The following DISC1 variants were observed in gnomAD, a reference collection of about 807,000 sequenced individuals.
DISC1 encodes DISC1 scaffold protein.
Under a neutral mutation model 84.5 loss-of-function variants are expected in DISC1, and 57 were observed. The ratio of observed to expected loss-of-function variants is 0.67; its 90% CI spans 0.55 to 0.84. The LOEUF is 0.84. DISC1 is among the 40% of genes least tolerant of loss of function. The pLI is 0.00. For synonymous variants in DISC1, 411 were observed against 415.2 expected (o/e 0.99, Z 0.12); for missense variants, 1,000 against 1,057.8 (o/e 0.95, Z 0.76).
intron 9 of DISC1, among the ~76,000 whole-genome samples, chr1:231,903,090 C>A (rs1195487060): frequency 2.7e-5 from 4 of 145,958 alleles, no homozygotes; most frequent in Non-Finnish European, 4.5e-5. Context: ...TTGACAGAGT[C>A]ATACTCTCTT....
intron 1 of DISC1, among the ~76,000 whole-genome samples, chr1:231,679,913 T>C (rs1223074816): frequency 6.6e-6 from 1 of 152,210 alleles, no homozygotes; most frequent in African/African-American, 2.4e-5. Flanking sequence ...ATTGAGCTTT[T>C]TGTATGTAGT....
intron 8 of DISC1, among the ~76,000 whole-genome samples, chr1:231,810,366 A>G (rs1446505313): frequency 1.3e-5 from 2 of 152,224 alleles, no homozygotes; most frequent in Non-Finnish European, 2.9e-5. Context: ...GCATCAACTC[A>G]ATCGCTTTCT....
intron 1 of DISC1, among the ~76,000 whole-genome samples, chr1:231,677,573 C>T (rs778253330): frequency 1.6e-4 from 24 of 152,246 alleles, no homozygotes; most frequent in Non-Finnish European, 2.8e-4. Context: ...ATCCTTACGA[C>T]AGCCTTTCAG....
chr1:231,694,114 G>C lies in DISC1; in HGVS notation c.356G>C (p.Gly119Ala), dbSNP rs2065367784. 1 of 1,614,052 alleles carries C rather than the reference G, an allele frequency of 6.2e-7. No homozygotes were observed. Among genetic ancestry groups the C allele is most frequent in the Admixed American group, 1.7e-5 (1 of 60,016 alleles). ...TSVRGTSAHFGIQLRGGTRLP... is the reference protein window; with the variant it reads ...TSVRGTSAHFAIQLRGGTRLP... ...GTGAGAGGAACCTCGGCGCACTTTGGGATTCAGCTCAGAGGTGGCACCAGA... is the reference window on the plus strand; with the variant it reads ...GTGAGAGGAACCTCGGCGCACTTTGCGATTCAGCTCAGAGGTGGCACCAGA... Residue 119 changes from glycine (G) to alanine (A), a missense_variant, in exon 2 of 13, where the codon GGG becomes GCG. Physicochemically the swap from Gly to Ala is moderately conservative, Grantham distance 60. Around this residue, in one of 3 missense-constraint regions of DISC1, gnomAD observed 292 missense variants for 280.2 expected, o/e 1.04. Transcript: ENST00000439617.
At chr1:231,914,379 T>C (rs142349801) in intron 9 of DISC1, among the ~76,000 whole-genome samples, 64 of 152,324 alleles carry the variant, frequency 4.2e-4, no homozygotes, top group Non-Finnish European at 8.4e-4. Context: ...TTTAATTTTA[T>C]CTAAGTACAC....
rs200339981 is a variant in DISC1 at position 231,818,316 on chromosome 1, C to T, written c.1793-13C>T. 20 of 1,613,424 alleles carry T rather than the reference C, an allele frequency of 1.2e-5. No homozygotes were observed. The highest frequency in any genetic ancestry group is 1.6e-5 in the Non-Finnish European group (19 of 1,179,658). ...GCTTGTTTTCCCTTCTTCTCTCCCA[C>T]AACGTGCTGTAGGAAACCATTTCTG... On this transcript the variant is annotated splice_polypyrimidine_tract_variant and intron_variant, in intron 8 of 12. Transcript: ENST00000439617.
At chr1:231,889,287 A>G (rs1299753243) in intron 9 of DISC1, among the ~76,000 whole-genome samples, 1 of 152,182 alleles carries the variant, frequency 6.6e-6, no homozygotes. Context: ...TTTGTCCATA[A>G]GGCGGGGTAC....
At chr1:231,958,027 T>G (rs1044810230) in intron 9 of DISC1, among the ~76,000 whole-genome samples, 7 of 152,144 alleles carry the variant, frequency 4.6e-5, no homozygotes, top group African/African-American at 1.7e-4. Flanking sequence ...ATACTAGTAA[T>G]AGACATGGCA....
chr1:231,646,583 G>A (rs748979239), intron 1 of DISC1, among the ~76,000 whole-genome samples: 1 of 152,142 alleles, frequency 6.6e-6, no homozygotes, highest in Non-Finnish European at 1.5e-5. Context: ...GGTCAAATGG[G>A]ATCACTGGGC....
intron 9 of DISC1, among the ~76,000 whole-genome samples, chr1:231,869,697 A>G (rs762022636): frequency 6.6e-6 from 1 of 152,048 alleles, no homozygotes; most frequent in Non-Finnish European, 1.5e-5. Context: ...TAATCTGTTC[A>G]AGGGTGACCT....
intron 12 of DISC1, among the ~76,000 whole-genome samples, chr1:232,028,270 TC>T: frequency 6.6e-6 from 1 of 152,214 alleles, no homozygotes; most frequent in African/African-American, 2.4e-5. Context: ...GGGTTCCCGT[TC>T]CCCAGCTCAG....
intron 9 of DISC1, among the ~76,000 whole-genome samples, chr1:231,895,344 T>A (rs1403349536): frequency 1.3e-5 from 2 of 151,750 alleles, no homozygotes; most frequent in East Asian, 3.9e-4. Context: ...ATATTTTATA[T>A]GTATACTGTC....
intron 2 of DISC1, 48 bp from the exon 3 acceptor site, chr1:231,701,907 T>C (rs772954856): frequency 1.3e-6 from 2 of 1,486,820 alleles, no homozygotes; most frequent in Admixed American, 1.9e-5. Context: ...AAATGTTTGC[T>C]TGAATTCTAT....
Position 231,630,670 on chromosome 1 carries a change from C to T in DISC1, c.67+3736C>T, listed in dbSNP as rs536527286. ...AGACTTTTAGCCTCGAGGAGTCTTC[C>T]GTTGTTAGTTCCTAACTTTAATGAC... On this transcript the variant is annotated intron_variant, in intron 1 of 12. Coordinates refer to ENST00000439617, the MANE Select transcript of DISC1 (RefSeq NM_018662.3). The surrounding 1 kb of genome is among the most constrained non-coding windows in gnomAD (Gnocchi z 4.4). Among the ~76,000 whole-genome samples the T allele has an allele frequency of 4.6e-5, 7 of 152,208 alleles. No homozygotes were observed. The highest frequency in any genetic ancestry group is 4.1e-4 in the South Asian group (2 of 4,824).
At chr1:231,825,491 G>A (rs1037224856) in intron 9 of DISC1, among the ~76,000 whole-genome samples, 1 of 152,140 alleles carries the variant, frequency 6.6e-6, no homozygotes, top group Non-Finnish European at 1.5e-5. Flanking sequence ...ACTCACACAC[G>A]CTCATATAAT....
intron 8 of DISC1, among the ~76,000 whole-genome samples, chr1:231,809,249 T>A (rs1030008735): frequency 6.6e-5 from 10 of 152,102 alleles, no homozygotes. Context: ...TGATTCTAAT[T>A]GCCTTAGAAT....
chr1:231,692,393 T>C (rs2065151634), intron 1 of DISC1, among the ~76,000 whole-genome samples: 2 of 152,200 alleles, frequency 1.3e-5, no homozygotes, highest in Admixed American at 1.3e-4. Context: ...CTCTGTTATC[T>C]TCAGATGCTC....
intron 10 of DISC1, among the ~76,000 whole-genome samples, chr1:231,989,213 C>T (rs1309888525): frequency 6.6e-6 from 1 of 152,186 alleles, no homozygotes; most frequent in Non-Finnish European, 1.5e-5. Flanking sequence ...CTTTCCTACC[C>T]AGGTCAGGCT....
At chr1:231,893,724 G>A (rs550274766) in intron 9 of DISC1, among the ~76,000 whole-genome samples, 4 of 152,268 alleles carry the variant, frequency 2.6e-5, no homozygotes, top group African/African-American at 9.6e-5. Context: ...CTGGGTGGGC[G>A]TGGCATACGT....
Sources: allele counts gnomAD v4.1 joint callset (sites outside exome capture counted in the v4.1 genomes callset), GRCh38; gene constraint gnomAD v4.1.1; regional missense constraint gnomAD v4.1.1; non-coding constraint Gnocchi (gnomAD v3.1); transcripts MANE v1.5; gene names NCBI Gene and HGNC (gene_info 2026-07-23, HGNC 2026-07-21).